SLC44A5: variants seen among roughly 807,000 people sequenced by gnomAD.
SLC44A5 encodes solute carrier family 44 member 5.
In SLC44A5, 57 loss-of-function variants were observed where a neutral mutation model predicts 101.8. The observed-to-expected ratio is 0.56, with a 90% CI of 0.45 to 0.70. SLC44A5 has a LOEUF of 0.70. Among genes scored for constraint, SLC44A5 ranks in the 30% least tolerant of loss-of-function variants. SLC44A5 has a pLI of 0.00. For missense variants in SLC44A5, 737 were observed against 853.1 expected, an observed-to-expected ratio of 0.86 and a Z score of 1.70; for synonymous variants, 281 against 290.9, an observed-to-expected ratio of 0.97 and a Z score of 0.35.
chr1:75,520,817 G>T (rs538885230), intron 2 of SLC44A5, among the ~76,000 whole-genome samples: 1 of 152,230 alleles, frequency 6.6e-6, no homozygotes, highest in South Asian at 2.1e-4. Flanking sequence ...TGGGCAGGGG[G>T]AGATTGTACT....
At chr1:75,485,323 G>C (rs2101793297) in intron 2 of SLC44A5, among the ~76,000 whole-genome samples, 2 of 152,292 alleles carry the variant, frequency 1.3e-5, no homozygotes, top group African/African-American at 4.8e-5. Flanking sequence ...AATTTCTTCT[G>C]TCAGACACCC....
chr1:75,208,701 A>T (rs1646796105), intron 23 of SLC44A5, among the ~76,000 whole-genome samples: 1 of 152,156 alleles, frequency 6.6e-6, no homozygotes, highest in Non-Finnish European at 1.5e-5. Context: ...ACCCCCATGG[A>T]TAAGGAGAGA....
intron 2 of SLC44A5, among the ~76,000 whole-genome samples, chr1:75,451,716 A>G (rs1215677188): frequency 6.6e-6 from 1 of 152,112 alleles, no homozygotes; most frequent in Non-Finnish European, 1.5e-5. Flanking sequence ...AGTGAAAACT[A>G]TATTGAGAGA....
the SLC44A5 span, among the ~76,000 whole-genome samples, chr1:75,634,008 T>C: frequency 6.6e-6 from 1 of 151,956 alleles, no homozygotes; most frequent in Non-Finnish European, 1.5e-5. Flanking sequence ...GTTCTGTTTA[T>C]ATGCTGGATT....
At chr1:75,563,879 G>A (rs149437685) in intron 1 of SLC44A5, among the ~76,000 whole-genome samples, 96 of 152,152 alleles carry the variant, frequency 6.3e-4, no homozygotes, top group Admixed American at 9.2e-4. Flanking sequence ...AAAGCAAATC[G>A]TAAGAACTGT....
intron 1 of SLC44A5, among the ~76,000 whole-genome samples, chr1:75,602,679 A>G (rs774770915): frequency 2.6e-5 from 4 of 152,140 alleles, no homozygotes; most frequent in Non-Finnish European, 4.4e-5. Flanking sequence ...GCAACCAAAC[A>G]AAAGTGTGAT....
At chr1:75,399,704 T>C (rs892450058) in intron 2 of SLC44A5, among the ~76,000 whole-genome samples, 2 of 152,244 alleles carry the variant, frequency 1.3e-5, no homozygotes, top group African/African-American at 4.8e-5. Context: ...ATCTCATTAT[T>C]GTAAAAAAAT....
chr1:75,497,572 G>A (rs1487350541), intron 2 of SLC44A5, among the ~76,000 whole-genome samples: 1 of 152,070 alleles, frequency 6.6e-6, no homozygotes, highest in East Asian at 1.9e-4. Context: ...ACAGCATGAG[G>A]ACTATAGTTA....
At chr1:75,271,398 C>T (rs761746355) in intron 6 of SLC44A5, among the ~76,000 whole-genome samples, 1 of 151,704 alleles carries the variant, frequency 6.6e-6, no homozygotes, top group South Asian at 2.1e-4. Context: ...ATCTCTTGAG[C>T]AGTATATACT....
chr1:75,218,029 A>C, intron 17 of SLC44A5, 69 bp from the exon 18 acceptor site: 2 of 1,050,926 alleles, frequency 1.9e-6, no homozygotes, highest in Non-Finnish European at 2.9e-6. Context: ...TAATTGAATA[A>C]TTTTCACAAG....
the SLC44A5 span, among the ~76,000 whole-genome samples, chr1:75,631,387 T>C: frequency 6.6e-6 from 1 of 152,012 alleles, no homozygotes; most frequent in Non-Finnish European, 1.5e-5. Context: ...CACTCCTTTT[T>C]TTGGAGACAG....
At chr1:75,389,677 A>G (rs1284940111) in intron 3 of SLC44A5, among the ~76,000 whole-genome samples, 1 of 152,210 alleles carries the variant, frequency 6.6e-6, no homozygotes, top group East Asian at 1.9e-4. Context: ...TTAAGAGGAA[A>G]GTTTATAGCA....
chr1:75,540,102 T>C (rs1671276628), intron 2 of SLC44A5, among the ~76,000 whole-genome samples: 1 of 152,226 alleles, frequency 6.6e-6, no homozygotes, highest in Non-Finnish European at 1.5e-5. Flanking sequence ...GGTAATTCTA[T>C]ATTAAATTCA....
intron 2 of SLC44A5, among the ~76,000 whole-genome samples, chr1:75,482,478 A>T (rs913985812): frequency 6.6e-5 from 10 of 152,124 alleles, no homozygotes; most frequent in Non-Finnish European, 1.3e-4. Context: ...AATACTGAAT[A>T]CACATTGGCT....
At chr1:75,456,685 T>C (rs754651580) in intron 2 of SLC44A5, among the ~76,000 whole-genome samples, 4 of 152,196 alleles carry the variant, frequency 2.6e-5, no homozygotes, top group Non-Finnish European at 5.9e-5. Flanking sequence ...GTTTGTTTTA[T>C]TGTTTTTAAG....
At chr1:75,703,745 T>C in the SLC44A5 span, among the ~76,000 whole-genome samples, 3 of 152,124 alleles carry the variant, frequency 2.0e-5, no homozygotes, top group Admixed American at 1.3e-4. Context: ...AGATGTCCTC[T>C]GGAGGTCAGG....
At chr1:75,577,487 A>C (rs1673438909) in intron 1 of SLC44A5, among the ~76,000 whole-genome samples, 1 of 152,126 alleles carries the variant, frequency 6.6e-6, no homozygotes, top group African/African-American at 2.4e-5. Flanking sequence ...TTCTTCTTCC[A>C]GACATCCAGA....
the SLC44A5 span, chr1:75,677,606 C>T: frequency 6.8e-6 from 2 of 295,046 alleles, no homozygotes; most frequent in South Asian, 2.6e-5. Flanking sequence ...AAACTAATAA[C>T]AAAATGGTAG....
At chr1:75,597,871 T>C (rs180843545) in intron 1 of SLC44A5, among the ~76,000 whole-genome samples, 63 of 152,246 alleles carry the variant, frequency 4.1e-4, no homozygotes, top group African/African-American at 1.3e-3. Flanking sequence ...ATTCAGAATA[T>C]AGACACGGGC....
Sources: allele counts gnomAD v4.1 joint callset (sites outside exome capture counted in the v4.1 genomes callset), GRCh38; gene constraint gnomAD v4.1.1; transcripts MANE v1.5; gene names NCBI Gene and HGNC (gene_info 2026-07-23, HGNC 2026-07-21).